Variants in PLEKHA1 observed in about 807,000 individuals in gnomAD.
PLEKHA1 encodes pleckstrin homology domain containing A1, also known as pleckstrin homology domain-containing family A member 1.
Under a neutral mutation model 52.0 loss-of-function variants are expected in PLEKHA1, and 34 were observed. That is an observed-to-expected ratio of 0.65 (90% CI 0.50 to 0.87). The LOEUF is 0.87. PLEKHA1 is among the 40% of genes least tolerant of loss of function. The pLI, the probability that PLEKHA1 is intolerant of heterozygous loss-of-function variation, is 0.00. For synonymous variants in PLEKHA1, 163 were observed against 170.7 expected, an observed-to-expected ratio of 0.95 and a Z score of 0.35; for missense variants, 497 against 504.2, an observed-to-expected ratio of 0.99 and a Z score of 0.14.
intron 1 of PLEKHA1, chr10:122,386,655 TAGAC>T (rs1242194807): frequency 2.0e-5 from 3 of 152,226 alleles, no homozygotes; most frequent in Non-Finnish European, 4.4e-5. Flanking sequence ...TTTTTCCTCA[TAGAC>T]AGTCGATTAT....
At chr10:122,427,656 A>G (rs538376794) in intron 11 of PLEKHA1, among the ~76,000 whole-genome samples, 48 of 152,356 alleles carry the variant, frequency 3.2e-4, no homozygotes, top group Non-Finnish European at 6.6e-4. Context: ...AAATACAACT[A>G]AACATTCTGC....
At chr10:122,415,323 AAAGGAG>A (rs2097157982) in intron 6 of PLEKHA1, among the ~76,000 whole-genome samples, 1 of 152,204 alleles carries the variant, frequency 6.6e-6, no homozygotes, top group Non-Finnish European at 1.5e-5. Flanking sequence ...TAAAGTTCAC[AAAGGAG>A]CCTTGGGGTG....
In PLEKHA1 at chr10:122,383,018, C is replaced by T. The variant is rs1370493784; in HGVS notation, c.-21+8212C>T. ...CAATGTAAGAGTTTCTGTTTTCTTA[C>T]AGCCTCATCAGTATAGTGTGTTGTC... On this transcript the variant is annotated intron_variant, in intron 1 of 11. Coordinates refer to ENST00000368990, the MANE Select transcript of PLEKHA1 (RefSeq NM_001001974.4). Among the ~76,000 whole-genome samples the T allele has an allele frequency of 1.4e-4, 22 of 152,194 alleles. 2 individuals carry two copies. The highest frequency in any genetic ancestry group is 1.4e-3 in the Admixed American group (22 of 15,282).
chr10:122,428,084 G>A (rs1401013019), intron 11 of PLEKHA1, among the ~76,000 whole-genome samples: 2 of 152,194 alleles, frequency 1.3e-5, no homozygotes, highest in South Asian at 2.1e-4. Flanking sequence ...TTTTTCAGCA[G>A]TCAAGTATGA....
the PLEKHA1 span, chr10:122,441,338 T>C: frequency 0.86 from 130,548 of 152,030 alleles, 56,192 homozygotes; most frequent in East Asian, 0.94. Flanking sequence ...CATGGTGGTG[T>C]GTGTCTGTAG....
intron 2 of PLEKHA1, among the ~76,000 whole-genome samples, chr10:122,396,455 A>G (rs79131172): frequency 0.014 from 2,084 of 152,166 alleles, 37 homozygotes; most frequent in African/African-American, 0.047. Flanking sequence ...TTTACTATTG[A>G]TGATTTATAT....
At chr10:122,394,367 C>T (rs752875391) in intron 2 of PLEKHA1, among the ~76,000 whole-genome samples, 15 of 152,106 alleles carry the variant, frequency 9.9e-5, no homozygotes, top group East Asian at 1.9e-4. Context: ...TGAGCCACCG[C>T]GCCCGGCCTT....
chr10:122,377,984 G>GA (rs2096561430), intron 1 of PLEKHA1, among the ~76,000 whole-genome samples: 1 of 152,118 alleles, frequency 6.6e-6, no homozygotes, highest in South Asian at 2.1e-4. Context: ...TTTCCTACAT[G>GA]GAACTCTTAC....
intron 2 of PLEKHA1, among the ~76,000 whole-genome samples, chr10:122,394,491 A>C (rs1330779145): frequency 6.6e-6 from 1 of 152,098 alleles, no homozygotes; most frequent in Non-Finnish European, 1.5e-5. Flanking sequence ...TTCTAAGCTG[A>C]TTTTTGTCCA....
intron 4 of PLEKHA1, among the ~76,000 whole-genome samples, chr10:122,402,888 G>C (rs1175840939): frequency 1.3e-5 from 2 of 152,180 alleles, no homozygotes; most frequent in Non-Finnish European, 2.9e-5. Flanking sequence ...CCCAGCCCCA[G>C]AGCACTGGGC....
chr10:122,403,601 GTT>G (rs11428964), intron 4 of PLEKHA1, among the ~76,000 whole-genome samples: 65 of 147,684 alleles, frequency 4.4e-4, no homozygotes, highest in South Asian at 1.3e-3. Flanking sequence ...CAGTGTCAGA[GTT>G]TTTTTTTTTT....
intron 1 of PLEKHA1, among the ~76,000 whole-genome samples, chr10:122,390,401 T>C (rs10788284): frequency 0.55 from 83,184 of 152,032 alleles, 23,237 homozygotes; most frequent in East Asian, 0.62. Flanking sequence ...GGCTGTTTGG[T>C]GCAAGAAACC....
Position 122,400,403 on chromosome 10 carries a change from T to C in PLEKHA1, c.244+15T>C, listed in dbSNP as rs1199437452. On this transcript the variant is annotated intron_variant, in intron 4 of 11. Transcript: ENST00000368990. ...GTTCTGTTTTGGTAAGTAGCCATGT[T>C]ATATATATTTTAAATAGACTGATAT... 1 of 1,598,370 alleles carries C rather than the reference T, an allele frequency of 6.3e-7. No homozygotes were observed. Among genetic ancestry groups the C allele is most frequent in the South Asian group, 1.1e-5 (1 of 88,164 alleles).
chr10:122,397,835 T>C, intron 2 of PLEKHA1, 83 bp from the exon 3 acceptor site: 2 of 1,117,198 alleles, frequency 1.8e-6, no homozygotes, highest in Non-Finnish European at 2.5e-6. Context: ...TTTTTAACTT[T>C]TCAGAAGTAT....
Position 122,393,485 on chromosome 10 carries a change from C to T in PLEKHA1, c.141+144C>T, listed in dbSNP as rs1278122757. 8 of 665,976 alleles carry T rather than the reference C, an allele frequency of 1.2e-5. No individual in the cohort carries two copies. The highest frequency in any genetic ancestry group is 4.2e-5 in the Admixed American group (1 of 24,060). 41.3% of individuals were successfully genotyped at this position (665,976 alleles called of 1,614,324 possible). On this transcript the variant is annotated intron_variant, in intron 2 of 11. Coordinates refer to ENST00000368990, the MANE Select transcript of PLEKHA1 (RefSeq NM_001001974.4). This position sits in a 1 kb window ranked among gnomAD's most constrained non-coding sequence, Gnocchi z 4.5. ...ACTGGCTGTCCTCTCTGCCCTGCACCCCTGACCTCTACTGTTTTGTTTGAA... is the reference window on the plus strand; with the variant it reads ...ACTGGCTGTCCTCTCTGCCCTGCACTCCTGACCTCTACTGTTTTGTTTGAA...
intron 1 of PLEKHA1, among the ~76,000 whole-genome samples, chr10:122,388,651 A>G (rs2421017): frequency 0.54 from 82,284 of 152,192 alleles, 22,676 homozygotes; most frequent in East Asian, 0.62. Flanking sequence ...ATAGCATTAT[A>G]TGTAAAAAAT....
At position 122,406,625 on chromosome 10, in the gene PLEKHA1, G is replaced by C. The variant is rs2097019911; in HGVS notation, c.294G>C (p.Gln98His). 6.2e-7 allele frequency: 1 copy of C among 1,613,380 alleles called. No individual in the cohort carries two copies. Among genetic ancestry groups the C allele is most frequent in the Non-Finnish European group, 8.5e-7 (1 of 1,179,412 alleles). ...RKYFLQANDQQDLVEWVNVLN... is the reference protein window; with the variant it reads ...RKYFLQANDQHDLVEWVNVLN... ...ACTTCCTACAAGCCAATGATCAGCA[G>C]GACCTAGTGGAATGGGTAAATGTGT... Residue 98 changes from glutamine (Q) to histidine (H), a missense_variant, in exon 5 of 12, where the codon CAG (glutamine) becomes CAC (histidine). Physicochemically the swap from Gln to His is conservative, Grantham distance 24. Transcript: ENST00000368990.
At chr10:122,425,837 ACATT>A (rs1231417777) in intron 10 of PLEKHA1, 3 of 152,122 alleles carry the variant, frequency 2.0e-5, no homozygotes, top group Non-Finnish European at 2.9e-5. Context: ...GGCTTATAAA[ACATT>A]CAGTCCCACA....
At chr10:122,377,666 TA>T (rs1157051622) in intron 1 of PLEKHA1, among the ~76,000 whole-genome samples, 1 of 152,208 alleles carries the variant, frequency 6.6e-6, no homozygotes, top group Non-Finnish European at 1.5e-5. Context: ...TGTTATTTGT[TA>T]TAGCACTAGA....
Sources: allele counts gnomAD v4.1 joint callset (sites outside exome capture counted in the v4.1 genomes callset), GRCh38; gene constraint gnomAD v4.1.1; non-coding constraint Gnocchi (gnomAD v3.1); transcripts MANE v1.5; gene names NCBI Gene and HGNC (gene_info 2026-07-23, HGNC 2026-07-21).